The following DGKB variants were observed in gnomAD, a reference collection of about 807,000 sequenced individuals.
DGKB encodes the protein 90 kDa diacylglycerol kinase.
Under a neutral mutation model 114.3 loss-of-function variants are expected in DGKB, and 67 were observed. That is an observed-to-expected ratio of 0.59 (90% confidence interval 0.48 to 0.72). DGKB has a LOEUF of 0.72. Among genes scored for constraint, DGKB ranks in the 30% least tolerant of loss-of-function variants. The pLI is 0.00. For missense variants in DGKB, 907 were observed against 975.2 expected (o/e 0.93, Z 0.93); for synonymous variants, 398 against 323.1 (o/e 1.23, Z -2.49).
intron 20 of DGKB, among the ~76,000 whole-genome samples, chr7:14,494,837 A>T (rs1785076858): frequency 1.3e-5 from 2 of 151,858 alleles, no homozygotes; most frequent in Non-Finnish European, 2.9e-5. Flanking sequence ...CGTGAAATTT[A>T]AAAAAATACA....
intron 6 of DGKB, among the ~76,000 whole-genome samples, chr7:14,710,087 T>G (rs1827096774): frequency 6.6e-6 from 1 of 152,062 alleles, no homozygotes; most frequent in African/African-American, 2.4e-5. Context: ...CTAATGAGAT[T>G]GTACTGAACC....
Position 14,694,209 on chromosome 7 carries a change from A to G in DGKB, c.592-15T>C, listed in dbSNP as rs1174563124. 1.3e-6 allele frequency: 2 copies of G among 1,552,300 alleles called. No individual in the cohort carries two copies. The highest frequency in any genetic ancestry group is 1.7e-6 in the Non-Finnish European group (2 of 1,147,988). On this transcript the variant is annotated splice_polypyrimidine_tract_variant and intron_variant, in intron 8 of 25. Coordinates refer to ENST00000402815, the MANE Select transcript of DGKB (RefSeq NM_001350709.2). ...TCATGGAGGATCTGGAGTAGAGGAG[A>G]TAAGGGAAAATTGGTGGTCAACCAA...
At chr7:14,916,244 ATAGT>A (rs1164990774) in intron 1 of DGKB, among the ~76,000 whole-genome samples, 3 of 149,258 alleles carry the variant, frequency 2.0e-5, no homozygotes, top group African/African-American at 7.5e-5. Context: ...ATCATATGAA[ATAGT>A]TAATTAAAAG....
At chr7:14,177,583 G>T (rs1006062812) in intron 24 of DGKB, among the ~76,000 whole-genome samples, 1 of 132,942 alleles carries the variant, frequency 7.5e-6, no homozygotes, top group African/African-American at 2.8e-5. Flanking sequence ...AAAAAAAATT[G>T]GGGGGAAATT....
chr7:14,229,452 G>A (rs914810724), intron 23 of DGKB, among the ~76,000 whole-genome samples: 6 of 151,944 alleles, frequency 3.9e-5, no homozygotes, highest in African/African-American at 1.4e-4. Context: ...AAAAAGTACA[G>A]TAAGAATACG....
intron 13 of DGKB, among the ~76,000 whole-genome samples, chr7:14,664,714 G>A (rs906737180): frequency 4.6e-5 from 7 of 151,822 alleles, no homozygotes; most frequent in African/African-American, 1.7e-4. Context: ...TTTCCCTTGG[G>A]ATGGATTAAG....
At chr7:14,345,866 A>G (rs1812391230) in intron 21 of DGKB, among the ~76,000 whole-genome samples, 1 of 151,694 alleles carries the variant, frequency 6.6e-6, no homozygotes, top group Admixed American at 6.6e-5. Flanking sequence ...ATTTAATCTT[A>G]AAGTAAAAGA....
chr7:14,847,208 G>A (rs1308307879), intron 1 of DGKB, among the ~76,000 whole-genome samples: 1 of 150,614 alleles, frequency 6.6e-6, no homozygotes, highest in Non-Finnish European at 1.5e-5. Context: ...GGAGAATGGC[G>A]TGAACCCAGG....
chr7:14,622,092 T>C (rs534798536), intron 14 of DGKB, among the ~76,000 whole-genome samples: 24 of 152,228 alleles, frequency 1.6e-4, no homozygotes, highest in African/African-American at 5.8e-4. Context: ...TGTATCACCA[T>C]TACTCCACCA....
At chr7:14,588,052 A>T (rs1301323847) in intron 17 of DGKB, among the ~76,000 whole-genome samples, 1 of 152,102 alleles carries the variant, frequency 6.6e-6, no homozygotes, top group Non-Finnish European at 1.5e-5. Flanking sequence ...CAACTTTACC[A>T]GATAACATCA....
intron 13 of DGKB, among the ~76,000 whole-genome samples, chr7:14,671,821 A>C (rs1296399939): frequency 1.3e-5 from 2 of 152,196 alleles, no homozygotes; most frequent in Non-Finnish European, 2.9e-5. Flanking sequence ...CTTCAAGACA[A>C]CACTTAAATG....
chr7:14,634,494 A>ACACG (rs771368547), intron 13 of DGKB, among the ~76,000 whole-genome samples: 4 of 149,690 alleles, frequency 2.7e-5, no homozygotes, highest in Non-Finnish European at 4.5e-5. Context: ...ACACACACAC[A>ACACG]CACACACACA....
At chr7:14,729,168 G>C (rs1830488829) in intron 5 of DGKB, among the ~76,000 whole-genome samples, 1 of 140,998 alleles carries the variant, frequency 7.1e-6, no homozygotes, top group South Asian at 2.2e-4. Flanking sequence ...TGTTGCCCAG[G>C]CTGGAGTGCA....
chr7:14,641,552 T>C (rs1244558031), intron 13 of DGKB, among the ~76,000 whole-genome samples: 1 of 152,036 alleles, frequency 6.6e-6, no homozygotes, highest in Non-Finnish European at 1.5e-5. Context: ...TCATGTTTGA[T>C]TTTTTTGTAA....
At chr7:14,428,874 A>G (rs1413628716) in intron 21 of DGKB, among the ~76,000 whole-genome samples, 1 of 152,134 alleles carries the variant, frequency 6.6e-6, no homozygotes, top group African/African-American at 2.4e-5. Context: ...AAGAGCAGAG[A>G]ACATTCCCCA....
chr7:14,279,799 CTGT>C, intron 23 of DGKB, among the ~76,000 whole-genome samples: 1 of 147,836 alleles, frequency 6.8e-6, no homozygotes, highest in Non-Finnish European at 1.5e-5. Flanking sequence ...GCTGAGGGTA[CTGT>C]CTGTCAGAAG....
At chr7:14,753,238 C>A (rs1834368626) in intron 4 of DGKB, among the ~76,000 whole-genome samples, 1 of 152,104 alleles carries the variant, frequency 6.6e-6, no homozygotes, top group African/African-American at 2.4e-5. Flanking sequence ...TTTTAGATAA[C>A]TCATACATTT....
chr7:14,403,515 T>C (rs1823458120), intron 21 of DGKB, among the ~76,000 whole-genome samples: 1 of 39,920 alleles, frequency 2.5e-5, no homozygotes, highest in East Asian at 7.1e-4. Context: ...GGGAACCATT[T>C]TCCATTTTAA....
chr7:14,973,278 C>T (rs1787584149), intron 1 of DGKB, among the ~76,000 whole-genome samples: 1 of 151,744 alleles, frequency 6.6e-6, no homozygotes, highest in South Asian at 2.1e-4. Context: ...AAGGAATATT[C>T]AAAACATTTT....
Sources: allele counts gnomAD v4.1 joint callset (sites outside exome capture counted in the v4.1 genomes callset), GRCh38; gene constraint gnomAD v4.1.1; transcripts MANE v1.5; gene names NCBI Gene and HGNC (gene_info 2026-07-23, HGNC 2026-07-21).